The following SGCZ variants were observed in gnomAD, a reference collection of about 807,000 sequenced individuals.
The protein encoded by SGCZ is zeta-sarcoglycan.
Under a neutral mutation model 41.3 loss-of-function variants are expected in SGCZ, and 40 were observed. The observed-to-expected ratio is 0.97, with a 90% CI of 0.75 to 1.26. The LOEUF is 1.26. SGCZ is among the 50% of genes most tolerant of loss of function. SGCZ has a pLI of 0.00. For synonymous variants in SGCZ, 206 were observed against 137.5 expected, an observed-to-expected ratio of 1.50 and a Z score of -3.49; for missense variants, 552 against 369.8, an observed-to-expected ratio of 1.49 and a Z score of -4.04.
chr8:14,679,221 T>C (rs1012542695), intron 1 of SGCZ, among the ~76,000 whole-genome samples: 18 of 152,162 alleles, frequency 1.2e-4, no homozygotes, highest in African/African-American at 4.3e-4. Context: ...GGTTCATATA[T>C]TTACTATACC....
At chr8:14,118,994 A>G (rs1802608583) in intron 5 of SGCZ, among the ~76,000 whole-genome samples, 1 of 152,114 alleles carries the variant, frequency 6.6e-6, no homozygotes, top group Non-Finnish European at 1.5e-5. Flanking sequence ...GTCTGGTAGC[A>G]TGATCCCTCC....
In SGCZ at chr8:14,944,356, A is replaced by C. The variant is rs1413736734; in HGVS notation, c.39+293229T>G. On this transcript the variant is annotated intron_variant, in intron 1 of 7. Transcript: ENST00000382080. ...TATTTTTGAATAACCAGTGTCCTGA[A>C]TTGGTGACCACATTTTCTGAACAAT... Among the ~76,000 whole-genome samples the C allele has an allele frequency of 3.3e-5, 5 of 152,214 alleles. No individual in the cohort carries two copies. In the East Asian group the frequency reaches 9.6e-4, roughly 29 times the overall value.
chr8:14,817,723 A>C (rs1801950220), intron 1 of SGCZ, among the ~76,000 whole-genome samples: 1 of 152,192 alleles, frequency 6.6e-6, no homozygotes, highest in African/African-American at 2.4e-5. Context: ...AACATGGAGA[A>C]GCTGCTAAAT....
chr8:14,295,227 A>G (rs1295826006), intron 3 of SGCZ, among the ~76,000 whole-genome samples: 1 of 152,184 alleles, frequency 6.6e-6, no homozygotes, highest in Non-Finnish European at 1.5e-5. Flanking sequence ...TTTATAGTCA[A>G]TCCATGCAGT....
In SGCZ at chr8:14,761,269, T is replaced by C. The variant is rs2119742; in HGVS notation, c.40-206343A>G. On this transcript the variant is annotated intron_variant, in intron 1 of 7. Coordinates refer to ENST00000382080, the MANE Select transcript of SGCZ (RefSeq NM_139167.4). ...ATTTCTGAAAAGTACATATGTGAGA[T>C]CCTTAAATATTATATTAAAATGTTC... Among the ~76,000 whole-genome samples the C allele has an allele frequency of 7.0e-3, 1,069 of 152,198 alleles. 17 individuals carry two copies. Among genetic ancestry groups the C allele is most frequent in the African/African-American group, 0.024 (997 of 41,542 alleles).
chr8:14,375,061 G>C (rs1804062704), intron 2 of SGCZ, among the ~76,000 whole-genome samples: 1 of 152,144 alleles, frequency 6.6e-6, no homozygotes, highest in Non-Finnish European at 1.5e-5. Flanking sequence ...CACTGCAGAA[G>C]AGCTGAGGGA....
At chr8:14,486,988 T>A (rs1448802946) in intron 2 of SGCZ, among the ~76,000 whole-genome samples, 1 of 152,174 alleles carries the variant, frequency 6.6e-6, no homozygotes, top group African/African-American at 2.4e-5. Context: ...GACTATGTTG[T>A]CTGAAACATG....
chr8:14,366,348 G>A (rs1803707365), intron 2 of SGCZ, among the ~76,000 whole-genome samples: 1 of 152,062 alleles, frequency 6.6e-6, no homozygotes, highest in African/African-American at 2.4e-5. Context: ...TGTAAGCACA[G>A]GAAAAACTAC....
intron 1 of SGCZ, among the ~76,000 whole-genome samples, chr8:14,583,804 C>T (rs1804972533): frequency 6.7e-6 from 1 of 148,316 alleles, no homozygotes; most frequent in South Asian, 2.1e-4. Context: ...CAATTTTATT[C>T]AAAATAATTT....
intron 1 of SGCZ, among the ~76,000 whole-genome samples, chr8:14,870,911 A>G (rs1462027319): frequency 2.0e-5 from 3 of 152,174 alleles, no homozygotes; most frequent in Non-Finnish European, 4.4e-5. Flanking sequence ...GCCATCATTA[A>G]AAAGTCAGGA....
chr8:15,075,516 C>G (rs946351587), intron 1 of SGCZ, among the ~76,000 whole-genome samples: 2 of 151,930 alleles, frequency 1.3e-5, no homozygotes, highest in African/African-American at 4.8e-5. Context: ...AGCCTAACAC[C>G]CTCAATTTTT....
At chr8:14,515,029 G>A (rs1291926304) in intron 2 of SGCZ, among the ~76,000 whole-genome samples, 1 of 151,736 alleles carries the variant, frequency 6.6e-6, no homozygotes, top group Non-Finnish European at 1.5e-5. Context: ...ATTTTATAGG[G>A]CCTGCAACCA....
At chr8:14,259,624 T>C (rs1437707136) in intron 3 of SGCZ, among the ~76,000 whole-genome samples, 1 of 132,606 alleles carries the variant, frequency 7.5e-6, no homozygotes, top group East Asian at 2.0e-4. Flanking sequence ...TAGTTGTAGA[T>C]ATGCGGCGTT....
intron 2 of SGCZ, among the ~76,000 whole-genome samples, chr8:14,489,866 C>CATTTTTTTTTTTTTTTTTTTTT (rs142314868): frequency 1.5e-5 from 2 of 137,480 alleles, no homozygotes; most frequent in African/African-American, 2.9e-5. Context: ...AATTCTCCTA[C>CATTTTTTTTTTTTTTTTTTTTT]CTTTTTTTTT....
intron 3 of SGCZ, among the ~76,000 whole-genome samples, chr8:14,272,366 T>A (rs188051044): frequency 6.6e-6 from 1 of 152,310 alleles, no homozygotes; most frequent in African/African-American, 2.4e-5. Context: ...TATGACGGAC[T>A]TTTCCTGAGA....
chr8:14,340,041 C>T (rs542253541), intron 2 of SGCZ, among the ~76,000 whole-genome samples: 2 of 152,158 alleles, frequency 1.3e-5, no homozygotes, highest in African/African-American at 4.8e-5. Context: ...AACAGAATGA[C>T]GTCAATCTTC....
At chr8:14,152,509 T>A (rs1473201122) in intron 5 of SGCZ, among the ~76,000 whole-genome samples, 2 of 152,098 alleles carry the variant, frequency 1.3e-5, no homozygotes, top group Non-Finnish European at 2.9e-5. Context: ...TAAAGCACAA[T>A]GAAATATCAC....
intron 2 of SGCZ, among the ~76,000 whole-genome samples, chr8:14,418,166 T>C (rs1232266796): frequency 6.6e-5 from 10 of 151,896 alleles, no homozygotes; most frequent in Admixed American, 5.9e-4. Context: ...AAATTTTACA[T>C]ATTAAGAAAA....
At chr8:14,381,576 A>G (rs764614430) in intron 2 of SGCZ, among the ~76,000 whole-genome samples, 8 of 151,842 alleles carry the variant, frequency 5.3e-5, no homozygotes, top group Non-Finnish European at 1.2e-4. Context: ...GGAGTCTGAG[A>G]ACAGCCTGGG....
Sources: allele counts gnomAD v4.1 joint callset (sites outside exome capture counted in the v4.1 genomes callset), GRCh38; gene constraint gnomAD v4.1.1; transcripts MANE v1.5; gene names NCBI Gene and HGNC (gene_info 2026-07-23, HGNC 2026-07-21).